Variants in UGT1A9 observed in about 807,000 individuals in gnomAD.
UGT1A9 encodes the protein UDP-glucuronosyltransferase 1A9.
Under a neutral mutation model 45.0 loss-of-function variants are expected in UGT1A9, and 35 were observed. That is an observed-to-expected ratio of 0.78 (90% CI 0.59 to 1.03). The LOEUF (loss-of-function observed/expected upper bound fraction) is 1.03. Among genes scored for constraint, UGT1A9 ranks in the 50% least tolerant of loss-of-function variants. UGT1A9 has a pLI of 0.00. For synonymous variants in UGT1A9, 278 were observed against 250.6 expected (o/e 1.11, Z -1.03); for missense variants, 687 against 666.6 (o/e 1.03, Z -0.34).
At chr2:233,707,711 C>T (rs4663325) in intron 1 of UGT1A9, among the ~76,000 whole-genome samples, 22,514 of 152,132 alleles carry the variant, frequency 0.15, 1,958 homozygotes, top group South Asian at 0.24. Flanking sequence ...CTTTTCACTA[C>T]TGTGAACAAT....
At chr2:233,746,687 C>T (rs192486679) in intron 1 of UGT1A9, among the ~76,000 whole-genome samples, 86 of 151,912 alleles carry the variant, frequency 5.7e-4, no homozygotes, top group Non-Finnish European at 1.1e-3. Context: ...AGGGCTCACA[C>T]ATTCCATAAA....
chr2:233,760,713 A>G (rs1697537023), intron 1 of UGT1A9: 3 of 1,614,082 alleles, frequency 1.9e-6, no homozygotes, highest in African/African-American at 2.7e-5. Context: ...CCCTGGCAGA[A>G]AGCAGCTTTG....
At chr2:233,685,924 CT>C in intron 1 of UGT1A9, among the ~76,000 whole-genome samples, 1 of 152,088 alleles carries the variant, frequency 6.6e-6, no homozygotes, top group African/African-American at 2.4e-5. Flanking sequence ...TAAATTTATC[CT>C]GATTGTCTCA....
intron 1 of UGT1A9, among the ~76,000 whole-genome samples, chr2:233,741,146 C>T (rs1691577481): frequency 6.6e-6 from 1 of 151,880 alleles, no homozygotes; most frequent in Admixed American, 6.6e-5. Flanking sequence ...CCATTTATGA[C>T]AGCACTAATC....
intron 1 of UGT1A9, among the ~76,000 whole-genome samples, chr2:233,683,789 T>G (rs1464209598): frequency 6.6e-6 from 1 of 152,186 alleles, no homozygotes; most frequent in Non-Finnish European, 1.5e-5. Flanking sequence ...TTTTACACAT[T>G]TATCTTGTAT....
intron 1 of UGT1A9, chr2:233,689,938 A>C (rs1272581952): frequency 2.2e-6 from 1 of 456,646 alleles, no homozygotes; most frequent in Non-Finnish European, 4.4e-6. Context: ...AAAGAACCCA[A>C]GATTTTCCTT....
At chr2:233,739,373 G>T (rs1209050153) in intron 1 of UGT1A9, among the ~76,000 whole-genome samples, 1 of 152,200 alleles carries the variant, frequency 6.6e-6, no homozygotes, top group Non-Finnish European at 1.5e-5. Flanking sequence ...CTTGCACTGT[G>T]TGCCTGGAAG....
intron 1 of UGT1A9, among the ~76,000 whole-genome samples, chr2:233,684,383 C>T (rs1039827324): frequency 6.6e-6 from 1 of 152,194 alleles, no homozygotes; most frequent in Non-Finnish European, 1.5e-5. Flanking sequence ...CCATCAATTA[C>T]AGCACCAGCC....
At chr2:233,710,045 C>T (rs1309326393) in intron 1 of UGT1A9, among the ~76,000 whole-genome samples, 1 of 152,194 alleles carries the variant, frequency 6.6e-6, no homozygotes, top group Non-Finnish European at 1.5e-5. Context: ...TGTCTGGCCT[C>T]TTTGGCTCGG....
At chr2:233,736,971 T>A (rs1183929377) in intron 1 of UGT1A9, among the ~76,000 whole-genome samples, 4 of 152,178 alleles carry the variant, frequency 2.6e-5, no homozygotes, top group Non-Finnish European at 5.9e-5. Flanking sequence ...GGGAGGTGTT[T>A]CCCAGTCAAG....
intron 1 of UGT1A9, chr2:233,691,124 A>G (rs1305698863): frequency 2.0e-6 from 2 of 985,838 alleles, no homozygotes; most frequent in African/African-American, 3.5e-5. Context: ...TGCTTAAGCC[A>G]TTCTTCCTCT....
chr2:233,717,023 A>G (rs1412989912), intron 1 of UGT1A9, among the ~76,000 whole-genome samples: 5 of 152,160 alleles, frequency 3.3e-5, no homozygotes, highest in Admixed American at 6.5e-5. Flanking sequence ...AGGCACCACC[A>G]TCTTCCAAGA....
At chr2:233,752,746 AAAACAAACAAAC>A (rs200752387) in intron 1 of UGT1A9, among the ~76,000 whole-genome samples, 1 of 152,190 alleles carries the variant, frequency 6.6e-6, no homozygotes, top group East Asian at 1.9e-4. Flanking sequence ...CCCTGTCTCT[AAAACAAACAAAC>A]AAACAAACAA....
At chr2:233,717,067 A>C (rs1289809173) in intron 1 of UGT1A9, among the ~76,000 whole-genome samples, 2 of 152,174 alleles carry the variant, frequency 1.3e-5, no homozygotes, top group Non-Finnish European at 2.9e-5. Flanking sequence ...GGAGTGCCAG[A>C]CACGTAACCA....
intron 1 of UGT1A9, among the ~76,000 whole-genome samples, chr2:233,724,338 T>C (rs2077227587): frequency 6.9e-6 from 1 of 145,520 alleles, no homozygotes; most frequent in African/African-American, 2.6e-5. Context: ...GGCGGGGGGC[T>C]GACCCCCCCC....
intron 1 of UGT1A9, chr2:233,718,839 G>C: frequency 1.2e-6 from 2 of 1,613,658 alleles, no homozygotes; most frequent in Non-Finnish European, 1.7e-6. Context: ...AGGACTCCAG[G>C]TTCCCCTGCC....
intron 1 of UGT1A9, among the ~76,000 whole-genome samples, chr2:233,674,621 G>C (rs775720901): frequency 6.7e-6 from 1 of 149,430 alleles, no homozygotes; most frequent in African/African-American, 2.4e-5. Context: ...AACTATATAT[G>C]GTTTCATTTA....
rs2074202240 is a variant in UGT1A9, at chr2:233,671,915, C to T, written c.-20C>T. 1 of 1,586,326 alleles carries T rather than the reference C, an allele frequency of 6.3e-7. No individual in the cohort carries two copies. Among genetic ancestry groups the T allele is most frequent in the African/African-American group, 1.3e-5 (1 of 74,104 alleles). On this transcript the variant is annotated 5_prime_UTR_variant, in exon 1 of 5. Transcript: ENST00000354728. Reference sequence around the variant, plus strand: ...AGGAGCTTAGATTCCCAGCTGCTTGCTCTCAGCTGCAGTTCTCTGATGGCT... The same window carrying T: ...AGGAGCTTAGATTCCCAGCTGCTTGTTCTCAGCTGCAGTTCTCTGATGGCT...
chr2:233,695,179 G>A (rs2075270540), intron 1 of UGT1A9, among the ~76,000 whole-genome samples: 1 of 147,376 alleles, frequency 6.8e-6, no homozygotes, highest in Non-Finnish European at 1.5e-5. Flanking sequence ...AGGCTGGAGT[G>A]CAGTGGTGCG....
Sources: gnomAD v4.1 joint callset for allele counts (sites outside exome capture counted in the v4.1 genomes callset) on GRCh38, gnomAD v4.1.1 for gene constraint, MANE v1.5 for transcripts, NCBI Gene and HGNC (gene_info 2026-07-23, HGNC 2026-07-21) for gene names.